Variants in SLCO1B1 observed in about 807,000 individuals in gnomAD.
SLCO1B1 encodes the protein solute carrier organic anion transporter family member 1B1.
A neutral mutation model predicts 70.1 loss-of-function variants in SLCO1B1; 81 were observed. The observed-to-expected ratio is 1.16, with a 90% CI of 0.97 to 1.39. The LOEUF (loss-of-function observed/expected upper bound fraction) is 1.39. Among genes scored for constraint, SLCO1B1 ranks in the 40% most tolerant of loss-of-function variants. The pLI, the probability that SLCO1B1 is intolerant of heterozygous loss-of-function variation, is 0.00. For missense variants in SLCO1B1, 895 were observed against 799.6 expected (o/e 1.12, Z -1.44); for synonymous variants, 283 against 271.5 (o/e 1.04, Z -0.42).
chr12:21,185,896 C>G (rs973478064), intron 7 of SLCO1B1, among the ~76,000 whole-genome samples: 1 of 152,044 alleles, frequency 6.6e-6, no homozygotes, highest in Admixed American at 6.6e-5. Context: ...CACATTACAA[C>G]TCCCATAGAA....
intron 2 of SLCO1B1, among the ~76,000 whole-genome samples, chr12:21,158,889 C>T (rs1439355265): frequency 2.6e-5 from 4 of 151,882 alleles, no homozygotes; most frequent in Non-Finnish European, 5.9e-5. Context: ...ATTTGTCAAT[C>T]ATACCTTAAT....
chr12:21,178,543 T>C, intron 5 of SLCO1B1, 33 bp from the exon 6 acceptor site: 1 of 1,480,744 alleles, frequency 6.8e-7, no homozygotes, highest in Non-Finnish European at 9.4e-7. Flanking sequence ...CTAAAATTAA[T>C]GTTTAAAATG....
chr12:21,153,067 A>G (rs1656502955), intron 2 of SLCO1B1, among the ~76,000 whole-genome samples: 2 of 152,184 alleles, frequency 1.3e-5, no homozygotes, highest in African/African-American at 4.8e-5. Flanking sequence ...CTCTACTGCT[A>G]TAAGCTGTGA....
rs183765794 is a variant in SLCO1B1 at position 21,184,401 on chromosome 12, A to G, written c.727+5381A>G. On this transcript the variant is annotated intron_variant, in intron 7 of 14. Coordinates refer to ENST00000256958, the MANE Select transcript of SLCO1B1 (RefSeq NM_006446.5). ...GTCACTGTCAAGGGGAACCCCATCA[A>G]TCTTGCAGAACACCTTTGAGCAAAA... is the stretch of plus-strand genomic sequence containing the variant. Among the ~76,000 whole-genome samples the G allele has an allele frequency of 1.8e-3, 273 of 152,284 alleles. 1 individual carries two copies. The highest frequency in any genetic ancestry group is 3.4e-3 in the Non-Finnish European group (230 of 68,020).
At chr12:21,186,787 A>G (rs1307376548) in intron 7 of SLCO1B1, among the ~76,000 whole-genome samples, 3 of 152,106 alleles carry the variant, frequency 2.0e-5, no homozygotes, top group Non-Finnish European at 2.9e-5. Context: ...TGAAATTGTT[A>G]TATGGCTGCA....
At chr12:21,153,624 A>G (rs767368100) in intron 2 of SLCO1B1, among the ~76,000 whole-genome samples, 3 of 152,098 alleles carry the variant, frequency 2.0e-5, no homozygotes, top group Non-Finnish European at 4.4e-5. Context: ...TGTGTTATTC[A>G]GATCTTCTAT....
Position 21,191,676 on chromosome 12 carries a change from T to C in SLCO1B1, c.728-5270T>C, listed in dbSNP as rs187340578. Among the ~76,000 whole-genome samples the C allele has an allele frequency of 6.6e-5, 10 of 152,230 alleles. No homozygotes were observed. The East Asian group carries it at 1.9e-3, about 29-fold the overall frequency. ...CATAAAATGGCAGGACTGTGTTGAA[T>C]AGAAGTGATGAGAATGGCCATTCTT... On this transcript the variant is annotated intron_variant, in intron 7 of 14. Coordinates refer to ENST00000256958, the MANE Select transcript of SLCO1B1 (RefSeq NM_006446.5).
At chr12:21,149,666 C>T (rs1469048544) in intron 2 of SLCO1B1, among the ~76,000 whole-genome samples, 1 of 152,180 alleles carries the variant, frequency 6.6e-6, no homozygotes, top group Non-Finnish European at 1.5e-5. Flanking sequence ...AAAGTGCATT[C>T]TGGTCCAGAT....
At chr12:21,234,051 CAGTACACCAG>C (rs1182968349) in intron 14 of SLCO1B1, among the ~76,000 whole-genome samples, 1 of 152,192 alleles carries the variant, frequency 6.6e-6, no homozygotes, top group East Asian at 1.9e-4. Flanking sequence ...GCCAGCTGTG[CAGTACACCAG>C]AGTTTTGTTA....
intron 2 of SLCO1B1, among the ~76,000 whole-genome samples, chr12:21,144,087 G>A (rs913279794): frequency 2.0e-5 from 3 of 152,056 alleles, no homozygotes; most frequent in Non-Finnish European, 4.4e-5. Flanking sequence ...GCTAGTATAT[G>A]TTTCATCATT....
intron 11 of SLCO1B1, among the ~76,000 whole-genome samples, chr12:21,213,083 A>T (rs1437783794): frequency 1.3e-5 from 2 of 151,514 alleles, no homozygotes; most frequent in East Asian, 3.9e-4. Context: ...TAATATTGTT[A>T]TGTGTGAATT....
chr12:21,138,384 C>A (rs1345446178), intron 1 of SLCO1B1, among the ~76,000 whole-genome samples: 1 of 151,966 alleles, frequency 6.6e-6, no homozygotes, highest in African/African-American at 2.4e-5. Context: ...CAAATGGTGT[C>A]CTCAAAATTC....
chr12:21,235,307 GT>G (rs905469742), intron 14 of SLCO1B1, among the ~76,000 whole-genome samples: 1 of 150,240 alleles, frequency 6.7e-6, no homozygotes, highest in Admixed American at 6.7e-5. Flanking sequence ...CACTTACTTG[GT>G]TTTTTTTAAA....
At chr12:21,166,158 C>T (rs1940682244) in intron 2 of SLCO1B1, among the ~76,000 whole-genome samples, 1 of 151,340 alleles carries the variant, frequency 6.6e-6, no homozygotes, top group Non-Finnish European at 1.5e-5. Context: ...CGAGAACGTC[C>T]CAAATTTGAT....
At chr12:21,184,409 G>A (rs1940941142) in intron 7 of SLCO1B1, among the ~76,000 whole-genome samples, 1 of 152,088 alleles carries the variant, frequency 6.6e-6, no homozygotes, top group South Asian at 2.1e-4. Flanking sequence ...CAATCTTGCA[G>A]AACACCTTTG....
At chr12:21,186,869 T>G (rs1940968803) in intron 7 of SLCO1B1, among the ~76,000 whole-genome samples, 2 of 152,072 alleles carry the variant, frequency 1.3e-5, no homozygotes, top group Admixed American at 6.6e-5. Flanking sequence ...TATATGACCA[T>G]TTAAAGCAAA....
chr12:21,196,484 T>A (rs191237959), intron 7 of SLCO1B1, among the ~76,000 whole-genome samples: 11 of 151,170 alleles, frequency 7.3e-5, no homozygotes, highest in African/African-American at 2.5e-4. Flanking sequence ...TGGAAATGCT[T>A]ATTTCAGGCA....
At chr12:21,186,427 A>C (rs550951234) in intron 7 of SLCO1B1, among the ~76,000 whole-genome samples, 1 of 148,658 alleles carries the variant, frequency 6.7e-6, no homozygotes, top group South Asian at 2.1e-4. Flanking sequence ...GATTGCAGCA[A>C]AATCTGATTG....
At chr12:21,136,942 T>A (rs1487106239) in intron 1 of SLCO1B1, among the ~76,000 whole-genome samples, 1 of 152,208 alleles carries the variant, frequency 6.6e-6, no homozygotes, top group Non-Finnish European at 1.5e-5. Flanking sequence ...CTGCTCTGTT[T>A]TTTTCTCATC....
Sources: gnomAD v4.1 joint callset for allele counts (sites outside exome capture counted in the v4.1 genomes callset) on GRCh38, gnomAD v4.1.1 for gene constraint, MANE v1.5 for transcripts, NCBI Gene and HGNC (gene_info 2026-07-23, HGNC 2026-07-21) for gene names.